ZNF236: variants seen among roughly 807,000 people sequenced by gnomAD.
The protein encoded by ZNF236 is zinc finger protein 236, also known as regulated by glucose.
In ZNF236, 50 loss-of-function variants were observed where a neutral mutation model predicts 191.2. That is an observed-to-expected ratio of 0.26 (90% CI 0.21 to 0.33). ZNF236 has a LOEUF of 0.33. Among genes scored for constraint, ZNF236 ranks in the 10% least tolerant of loss-of-function variants. The pLI is 1.00. For synonymous variants in ZNF236, 907 were observed against 928.8 expected, an observed-to-expected ratio of 0.98 and a Z score of 0.43; for missense variants, 1,754 against 2,374.5, an observed-to-expected ratio of 0.74 and a Z score of 5.43.
Position 76,920,807 on chromosome 18 carries a change from C to T in ZNF236, c.3557+749C>T, listed in dbSNP as rs565843268. 3.3e-5 allele frequency among the ~76,000 whole-genome samples: 5 copies of T among 152,150 alleles called. No homozygotes were observed. In the South Asian group the frequency reaches 8.3e-4, roughly 25 times the overall value. On this transcript the variant is annotated intron_variant, in intron 20 of 30. Coordinates refer to ENST00000320610, the MANE Select transcript of ZNF236 (RefSeq NM_001306089.2). ...AACAGCAGTGGCTGATACATGAGAT[C>T]GAGTTGAGCAGAACCATGAAGAATC...
chr18:76,929,896 C>CAAGT (rs1173744212), intron 25 of ZNF236, among the ~76,000 whole-genome samples: 4 of 152,170 alleles, frequency 2.6e-5, no homozygotes, highest in African/African-American at 9.7e-5. Flanking sequence ...TAAATGCATG[C>CAAGT]AAGTACTAGA....
intron 3 of ZNF236, among the ~76,000 whole-genome samples, chr18:76,859,520 T>C (rs1415580200): frequency 6.6e-6 from 1 of 152,188 alleles, no homozygotes; most frequent in Non-Finnish European, 1.5e-5. Context: ...ACAGCGTCTG[T>C]ATCCTTGCAT....
At chr18:76,829,701 T>C (rs1280343636) in intron 1 of ZNF236, among the ~76,000 whole-genome samples, 1 of 152,204 alleles carries the variant, frequency 6.6e-6, no homozygotes, top group African/African-American at 2.4e-5. Context: ...TTTAAGTAAC[T>C]ATTTTAATCA....
intron 5 of ZNF236, among the ~76,000 whole-genome samples, chr18:76,873,265 T>A (rs1352272451): frequency 6.6e-6 from 1 of 152,240 alleles, no homozygotes. Context: ...GTTTGATATC[T>A]ACCCCATTAG....
Position 76,955,935 on chromosome 18 carries a change from C to T in ZNF236, c.4915-50C>T, listed in dbSNP as rs201996317. On this transcript the variant is annotated intron_variant, in intron 27 of 30. Coordinates refer to ENST00000320610, the MANE Select transcript of ZNF236 (RefSeq NM_001306089.2). ...ACGGTGTGTGTCAGTTCACAAACTGCACAAATCAAGCCAAGTGAGTGGAAA... is the reference window on the plus strand; with the variant it reads ...ACGGTGTGTGTCAGTTCACAAACTGTACAAATCAAGCCAAGTGAGTGGAAA... 580 of 1,568,618 alleles carry T rather than the reference C, an allele frequency of 3.7e-4. 3 individuals carry two copies. In the South Asian group the frequency reaches 4.4e-3, roughly 12 times the overall value.
intron 3 of ZNF236, among the ~76,000 whole-genome samples, chr18:76,861,421 C>T (rs968739819): frequency 1.3e-5 from 2 of 152,084 alleles, no homozygotes; most frequent in Non-Finnish European, 2.9e-5. Flanking sequence ...TTGGGTAGAA[C>T]GTAGTCATCA....
Position 76,915,739 on chromosome 18 carries a change from C to G in ZNF236, c.3154C>G (p.Pro1052Ala). 1.2e-6 allele frequency: 2 copies of G among 1,614,062 alleles called. No individual in the cohort carries two copies. Among genetic ancestry groups the G allele is most frequent in the Non-Finnish European group, 1.7e-6 (2 of 1,180,014 alleles). The part of the protein sequence containing the change: ...RHMATHMSMK[P>A]YKCPFCEEGF... ...CATGGCCACACATATGAGCATGAAG[C>G]CTTATAAGTGTCCGTTTTGTGAGGA... Residue 1052 changes from proline to alanine, a missense_variant, in exon 19 of 31, where the codon CCT becomes GCT. This residue lies in a region of ZNF236 where 641 missense variants were observed against 869.6 expected (regional missense o/e 0.74). Transcript: ENST00000320610.
chr18:76,822,951 C>G (rs958361027), intron 1 of ZNF236, among the ~76,000 whole-genome samples: 1 of 148,350 alleles, frequency 6.7e-6, no homozygotes, highest in African/African-American at 2.4e-5. Flanking sequence ...CGGCCGCCTC[C>G]TGCGCGCGCC....
At chr18:76,857,068 C>G (rs998084878) in intron 3 of ZNF236, among the ~76,000 whole-genome samples, 3 of 152,136 alleles carry the variant, frequency 2.0e-5, no homozygotes, top group African/African-American at 7.2e-5. Flanking sequence ...ACGTGGACCA[C>G]TTCTCTCGCA....
At chr18:76,831,640 A>G (rs985905464) in intron 1 of ZNF236, among the ~76,000 whole-genome samples, 4 of 152,152 alleles carry the variant, frequency 2.6e-5, no homozygotes, top group Admixed American at 1.3e-4. Flanking sequence ...TGGTTGTACC[A>G]TTTTGTATTC....
rs192204481 is a variant in ZNF236 at position 76,940,425 on chromosome 18, C to G, written c.4782+3082C>G. Among the ~76,000 whole-genome samples, 892 of 152,344 alleles carry G rather than the reference C, an allele frequency of 5.9e-3. 5 individuals carry two copies. The highest frequency in any genetic ancestry group is 9.0e-3 in the Non-Finnish European group (610 of 68,042). ...TGCATTTGGGAACACAATGACTGTC[C>G]TGTTATATGTGTGAGTCAGCTCCCA... is the stretch of plus-strand genomic sequence containing the variant. On this transcript the variant is annotated intron_variant, in intron 26 of 30. Coordinates refer to ENST00000320610, the MANE Select transcript of ZNF236 (RefSeq NM_001306089.2).
At chr18:76,858,440 A>G (rs1976114144) in intron 3 of ZNF236, among the ~76,000 whole-genome samples, 1 of 152,240 alleles carries the variant, frequency 6.6e-6, no homozygotes, top group Admixed American at 6.5e-5. Context: ...TTCAGGATGT[A>G]GCCCCTAAAA....
chr18:76,827,408 G>A (rs777985368), intron 1 of ZNF236, among the ~76,000 whole-genome samples: 5 of 152,010 alleles, frequency 3.3e-5, no homozygotes, highest in Non-Finnish European at 5.9e-5. Flanking sequence ...GGATGGTCTC[G>A]AACTCCTGAC....
chr18:76,926,175 T>C (rs1488030576), intron 22 of ZNF236, among the ~76,000 whole-genome samples: 2 of 152,232 alleles, frequency 1.3e-5, no homozygotes, highest in African/African-American at 4.8e-5. Context: ...TGAGTATCCA[T>C]TTCACAGAGT....
Position 76,873,551 on chromosome 18 carries a change from G to C in ZNF236, c.667+1726G>C, listed in dbSNP as rs1277034905. 2.0e-5 allele frequency among the ~76,000 whole-genome samples: 3 copies of C among 152,200 alleles called. 1 individual carries two copies. The South Asian group carries it at 6.2e-4, about 31-fold the overall frequency. On this transcript the variant is annotated intron_variant, in intron 5 of 30. Transcript: ENST00000320610. The stretch of plus-strand genomic sequence containing the variant: ...TGGAGGTGGCAGGGAGTGCCTGCTT[G>C]CTGTTCAGGCAATTCCGTGTTCTGG...
chr18:76,855,343 A>G (rs1192784090), intron 3 of ZNF236, among the ~76,000 whole-genome samples: 1 of 152,258 alleles, frequency 6.6e-6, no homozygotes, highest in African/African-American at 2.4e-5. Flanking sequence ...GAGAGCAAAA[A>G]GTTACGTCTC....
At chr18:76,860,202 G>C (rs1265451431) in intron 3 of ZNF236, among the ~76,000 whole-genome samples, 1 of 152,148 alleles carries the variant, frequency 6.6e-6, no homozygotes, top group Non-Finnish European at 1.5e-5. Flanking sequence ...CCCTCTGTTA[G>C]GATGACACAG....
chr18:76,870,291 A>T (rs559579926), intron 4 of ZNF236, among the ~76,000 whole-genome samples: 2 of 151,992 alleles, frequency 1.3e-5, no homozygotes, highest in South Asian at 2.1e-4. Context: ...TTTTTCCCCA[A>T]CCAATTTGAT....
At chr18:76,822,943 G>A (rs1974900881) in intron 1 of ZNF236, among the ~76,000 whole-genome samples, 1 of 148,158 alleles carries the variant, frequency 6.7e-6, no homozygotes, top group African/African-American at 2.4e-5. Context: ...GGAGCAGGCG[G>A]CCGCCTCCTG....
Sources: allele counts gnomAD v4.1 joint callset (sites outside exome capture counted in the v4.1 genomes callset), GRCh38; gene constraint gnomAD v4.1.1; regional missense constraint gnomAD v4.1.1; transcripts MANE v1.5; gene names NCBI Gene and HGNC (gene_info 2026-07-23, HGNC 2026-07-21).